The following TK1 variants were observed in gnomAD, a reference collection of about 807,000 sequenced individuals.
TK1 encodes the protein thymidine kinase 1.
In TK1, 13 loss-of-function variants were observed where a neutral mutation model predicts 22.4. That is an observed-to-expected ratio of 0.58 (90% CI 0.38 to 0.92). The LOEUF is 0.92. Among genes scored for constraint, TK1 ranks in the 40% least tolerant of loss-of-function variants. The probability of loss-of-function intolerance (pLI) is 0.00; values close to 1 mark genes in which losing one functional copy is unlikely to be tolerated. For missense variants in TK1, 251 were observed against 315.7 expected (o/e 0.80, Z 1.55); for synonymous variants, 134 against 125.4 (o/e 1.07, Z -0.46).
At position 78,175,134 on chromosome 17, in the gene TK1, G is replaced by A. The variant is rs367590952; in HGVS notation, c.429C>T (p.Ala143=). 1.4e-5 allele frequency: 23 copies of A among 1,613,232 alleles called. No homozygotes were observed. Among genetic ancestry groups the A allele is most frequent in the Middle Eastern group, 1.6e-4 (1 of 6,062 alleles). The change falls in exon 6 of 7, where the codon GCC becomes GCT. Residue 143 remains alanine, a synonymous_variant. Coordinates refer to ENST00000301634, the MANE Select transcript of TK1 (RefSeq NM_003258.5). ...CCGCCGTCAGCTTCACCACGCTCTC[G>A]GCCAGCGGCACCAGGTTCAGGATGG... is the stretch of plus-strand genomic sequence containing the variant. ...FGAILNLVPL[A]ESVVKLTAVC...
At position 78,174,703 on chromosome 17, in the gene TK1, G is replaced by T; in HGVS notation, c.*56C>A. 6.6e-7 allele frequency: 1 copy of T among 1,511,660 alleles called. No homozygotes were observed. 93.6% of individuals were successfully genotyped at this position (1,511,660 alleles called of 1,614,324 possible). On this transcript the variant is annotated 3_prime_UTR_variant, in exon 7 of 7. Transcript: ENST00000301634. ...CTGGAGTGGCTGGGCAGCATGCAGG[G>T]CAGCGTCCAGTAGGCGGCAGTGGCA...
At position 78,182,584 on chromosome 17, in the gene TK1, C is replaced by A; in HGVS notation, c.303+5G>T. 6.4e-7 allele frequency: 1 copy of A among 1,571,594 alleles called. No individual in the cohort carries two copies. Among genetic ancestry groups the A allele is most frequent in the Non-Finnish European group, 8.6e-7 (1 of 1,157,486 alleles). ...GAAGAGTGATGCCAAGACAAGCCAA[C>A]TTACAAACTGCCCCTCGTCGATGCC... On this transcript the variant is annotated splice_donor_5th_base_variant and intron_variant, in intron 4 of 6. Transcript: ENST00000301634.
rs1177908138 is a variant in TK1 at position 78,174,707 on chromosome 17, C to T, written c.*52G>A. On this transcript the variant is annotated 3_prime_UTR_variant, in exon 7 of 7. Coordinates refer to ENST00000301634, the MANE Select transcript of TK1 (RefSeq NM_003258.5). Reference sequence around the variant, plus strand: ...AGTGGCTGGGCAGCATGCAGGGCAGCGTCCAGTAGGCGGCAGTGGCAGGAA... The same window carrying T: ...AGTGGCTGGGCAGCATGCAGGGCAGTGTCCAGTAGGCGGCAGTGGCAGGAA... The T allele has an allele frequency of 2.2e-5, 34 of 1,515,784 alleles. No individual in the cohort carries two copies. The highest frequency in any genetic ancestry group is 2.7e-5 in the Non-Finnish European group (31 of 1,130,608). 93.9% of individuals were successfully genotyped at this position (1,515,784 alleles called of 1,614,324 possible).
chr17:78,177,220 T>G (rs975139257), intron 4 of TK1, among the ~76,000 whole-genome samples: 3 of 152,318 alleles, frequency 2.0e-5, no homozygotes, highest in East Asian at 1.9e-4. Context: ...AAACTTATTA[T>G]AGATTGCATG....
At chr17:78,184,339 C>T (rs947796077) in intron 3 of TK1, among the ~76,000 whole-genome samples, 16 of 152,348 alleles carry the variant, frequency 1.1e-4, no homozygotes, top group African/African-American at 3.8e-4. Context: ...GAGGCTGAAG[C>T]CCTATAATGT....
At chr17:78,178,564 CCTT>C in intron 4 of TK1, among the ~76,000 whole-genome samples, 1 of 152,344 alleles carries the variant, frequency 6.6e-6, no homozygotes, top group South Asian at 2.1e-4. Flanking sequence ...GAAGGACAGT[CCTT>C]CTGCTGGGTC....
At chr17:78,177,974 A>G (rs2075713119) in intron 4 of TK1, among the ~76,000 whole-genome samples, 1 of 150,518 alleles carries the variant, frequency 6.6e-6, no homozygotes, top group Admixed American at 6.6e-5. Flanking sequence ...AGGTTCAAGC[A>G]ATTCTTGTGC....
At chr17:78,180,313 G>T (rs2145825839) in intron 4 of TK1, among the ~76,000 whole-genome samples, 1 of 152,324 alleles carries the variant, frequency 6.6e-6, no homozygotes, top group Non-Finnish European at 1.5e-5. Flanking sequence ...CCACGTAGGG[G>T]GTCTGTGAGC....
intron 3 of TK1, among the ~76,000 whole-genome samples, chr17:78,182,910 G>A (rs2075748082): frequency 6.6e-6 from 1 of 152,180 alleles, no homozygotes; most frequent in African/African-American, 2.4e-5. Flanking sequence ...CCAGGCTGGA[G>A]TGCAGTGGCG....
In TK1 at chr17:78,175,068, C is replaced by T. The variant is rs2075688291; in HGVS notation, c.495G>A (p.Arg165=). The T allele has an allele frequency of 6.2e-7, 1 of 1,613,690 alleles. No homozygotes were observed. The highest frequency in any genetic ancestry group is 1.1e-5 in the South Asian group (1 of 91,078). The change falls in exon 6 of 7, where the codon AGG becomes AGA. Residue 165 remains arginine (R), a synonymous_variant. Transcript: ENST00000301634. Reference sequence around the variant, plus strand: ...GAGCTACCTCCTTCTCTGTGCCGAGCCTCTTGGTATAGGCGGCTTCCCGGA... The same window carrying T: ...GAGCTACCTCCTTCTCTGTGCCGAGTCTCTTGGTATAGGCGGCTTCCCGGA... ...ECFREAAYTK[R]LGTEKEVEVI... is the part of the protein sequence containing the mutation.
chr17:78,179,367 A>G (rs995767581), intron 4 of TK1: 26 of 985,254 alleles, frequency 2.6e-5, no homozygotes, highest in Admixed American at 1.2e-4. Context: ...GGGCAGCAAC[A>G]ACGACGTCTC....
intron 3 of TK1, among the ~76,000 whole-genome samples, chr17:78,184,848 C>T (rs779687561): frequency 9.2e-5 from 14 of 152,076 alleles, no homozygotes; most frequent in Admixed American, 6.6e-4. Flanking sequence ...TGGACCCTGG[C>T]GGCAAAATCA....
Position 78,179,844 on chromosome 17 carries a change from C to G in TK1, c.303+2745G>C, listed in dbSNP as rs992898182. The G allele has an allele frequency of 9.7e-6, 7 of 719,418 alleles. No individual in the cohort carries two copies. In the African/African-American group the frequency reaches 1.4e-4, roughly 14 times the overall value. The allele number at this position is 719,418 out of a possible 1,614,324, so 44.6% of individuals were successfully genotyped here. ...CAGCACTTTGGGAGGCTGAGGCAGGCAGATCACCTGAGGTTAGGAGTTCCA... is the reference window on the plus strand; with the variant it reads ...CAGCACTTTGGGAGGCTGAGGCAGGGAGATCACCTGAGGTTAGGAGTTCCA... On this transcript the variant is annotated intron_variant, in intron 4 of 6. Coordinates refer to ENST00000301634, the MANE Select transcript of TK1 (RefSeq NM_003258.5).
intron 2 of TK1, among the ~76,000 whole-genome samples, chr17:78,185,556 G>A (rs182859426): frequency 2.0e-5 from 3 of 152,140 alleles, no homozygotes; most frequent in East Asian, 3.9e-4. Flanking sequence ...GTGGAGTCTC[G>A]CTCTGTTGCC....
At chr17:78,181,832 C>T (rs1370633982) in intron 4 of TK1, among the ~76,000 whole-genome samples, 1 of 151,856 alleles carries the variant, frequency 6.6e-6, no homozygotes. Context: ...TATCACCACT[C>T]ACTGCAGCCT....
At chr17:78,181,074 C>A (rs1256867689) in intron 4 of TK1, among the ~76,000 whole-genome samples, 22 of 151,888 alleles carry the variant, frequency 1.4e-4, no homozygotes, top group Admixed American at 1.3e-3. Flanking sequence ...ATGGTGAAAC[C>A]CCATCTCTAT....
intron 1 of TK1, 28 bp from the exon 2 acceptor site, chr17:78,186,846 G>A: frequency 6.3e-7 from 1 of 1,574,944 alleles, no homozygotes; most frequent in Non-Finnish European, 8.6e-7. Flanking sequence ...GTCATTTGAG[G>A]GCCCGCCCTG....
intron 4 of TK1, among the ~76,000 whole-genome samples, chr17:78,176,850 C>T (rs573686231): frequency 2.6e-5 from 4 of 152,140 alleles, no homozygotes; most frequent in African/African-American, 9.7e-5. Context: ...CAGGAACACA[C>T]CTCCCACCCC....
chr17:78,179,024 A>G (rs968312314), intron 4 of TK1: 4 of 339,006 alleles, frequency 1.2e-5, no homozygotes, highest in African/African-American at 8.9e-5. Context: ...AACAGGGGAC[A>G]GGACTTCATA....
Sources: allele counts gnomAD v4.1 joint callset (sites outside exome capture counted in the v4.1 genomes callset), GRCh38; gene constraint gnomAD v4.1.1; transcripts MANE v1.5; gene names NCBI Gene and HGNC (gene_info 2026-07-23, HGNC 2026-07-21).